Variants in TRPM7 observed in about 807,000 individuals in gnomAD.
The protein encoded by TRPM7 is LTRPC ion channel family member 7.
Under a neutral mutation model 229.7 loss-of-function variants are expected in TRPM7, and 134 were observed. That is an observed-to-expected ratio of 0.58 (90% CI 0.51 to 0.67). The LOEUF (loss-of-function observed/expected upper bound fraction) is 0.67. TRPM7 is among the 30% of genes least tolerant of loss of function. The pLI, the probability that TRPM7 is intolerant of heterozygous loss-of-function variation, is 0.00. For missense variants in TRPM7, 1,901 were observed against 2,210.0 expected, an observed-to-expected ratio of 0.86 and a Z score of 2.80; for synonymous variants, 699 against 715.2, an observed-to-expected ratio of 0.98 and a Z score of 0.36.
rs1033188900 is a variant in TRPM7 at position 50,580,492 on chromosome 15, G to A, written c.4592+382C>T. Among the ~76,000 whole-genome samples the A allele has an allele frequency of 8.5e-5, 13 of 152,246 alleles. 1 individual carries two copies. The highest frequency in any genetic ancestry group is 3.1e-4 in the African/African-American group (13 of 41,550). ...ATCAAAGTGCTTACCAAAAGCAGAT[G>A]CAAGGTTTTGACTAGAATGATGGAT... On this transcript the variant is annotated intron_variant, in intron 30 of 38. Transcript: ENST00000646667.
intron 1 of TRPM7, among the ~76,000 whole-genome samples, chr15:50,675,884 C>G (rs1179239062): frequency 6.6e-6 from 1 of 152,194 alleles, no homozygotes; most frequent in African/African-American, 2.4e-5. Flanking sequence ...ATTCTGGAAT[C>G]AGACTGGTCT....
At chr15:50,565,708 G>C (rs1365391048) in intron 38 of TRPM7, among the ~76,000 whole-genome samples, 1 of 152,040 alleles carries the variant, frequency 6.6e-6, no homozygotes, top group African/African-American at 2.4e-5. Flanking sequence ...AAGGATACAA[G>C]AACTCCGAAC....
chr15:50,614,251 G>A lies in TRPM7; in HGVS notation c.1507C>T (p.Pro503Ser), dbSNP rs747836168. The A allele has an allele frequency of 6.3e-7, 1 of 1,597,230 alleles. No individual in the cohort carries two copies. Among genetic ancestry groups the A allele is most frequent in the Non-Finnish European group, 8.5e-7 (1 of 1,175,096 alleles). Residue 503 changes from proline (P) to serine (S), a missense_variant, in exon 14 of 39, where the codon CCA (proline) becomes TCA (serine). Physicochemically the swap from Pro to Ser is moderately conservative, Grantham distance 74. Transcript: ENST00000646667. ...TCAATCAGAGTGATCTTATATCCTGGAGGAAGATTTCCCTAGAAACAAAAC... is the reference window on the plus strand; with the variant it reads ...TCAATCAGAGTGATCTTATATCCTGAAGGAAGATTTCCCTAGAAACAAAAC... ...VRDVKQGNLP[P>S]GYKITLIDIG... is the part of the protein sequence containing the mutation.
chr15:50,569,525 T>G (rs1002401449), intron 38 of TRPM7, among the ~76,000 whole-genome samples: 8 of 152,146 alleles, frequency 5.3e-5, no homozygotes, highest in Admixed American at 2.6e-4. Context: ...TTCTGTTTTT[T>G]CCTCTCTCTT....
At chr15:50,561,900 T>C (rs1326756574) in intron 38 of TRPM7, 92 bp from the exon 39 acceptor site, 8 of 1,286,056 alleles carry the variant, frequency 6.2e-6, no homozygotes, top group Non-Finnish European at 8.3e-6. Context: ...AGGAACCTTT[T>C]ATTTTCTTTT....
At chr15:50,628,058 TA>T in intron 11 of TRPM7, 90 bp downstream of exon 11, 1 of 887,492 alleles carries the variant, frequency 1.1e-6, no homozygotes, top group South Asian at 1.6e-5. Flanking sequence ...GGCAGAAAGG[TA>T]AAATGTCAAG....
chr15:50,670,017 AAC>A (rs1333299694), intron 1 of TRPM7, among the ~76,000 whole-genome samples: 2 of 152,152 alleles, frequency 1.3e-5, no homozygotes, highest in Admixed American at 6.6e-5. Context: ...TGTTTTATTA[AAC>A]ACTTATTAAT....
chr15:50,610,568 A>C (rs971208043), intron 17 of TRPM7, among the ~76,000 whole-genome samples: 5 of 152,172 alleles, frequency 3.3e-5, no homozygotes, highest in African/African-American at 1.2e-4. Context: ...ATAAGATAAC[A>C]AAAAGCAAAG....
chr15:50,590,255 AG>A (rs1232871078), intron 26 of TRPM7, among the ~76,000 whole-genome samples: 3 of 152,222 alleles, frequency 2.0e-5, no homozygotes, highest in African/African-American at 7.2e-5. Flanking sequence ...AAAAGAAAAA[AG>A]GGGACCAAGC....
At position 50,648,766 on chromosome 15, in the gene TRPM7, T is replaced by C; in HGVS notation, c.242A>G (p.Glu81Gly). The part of the protein sequence containing the change: ...FNQAIEEWSV[E>G]KHTEQSPTDA... Reference sequence around the variant, plus strand: ...CGTTGGGCTCTGTTCTGTATGCTTTTCCACAGACCATTCTTCTATTGCCTG... The same window carrying C: ...CGTTGGGCTCTGTTCTGTATGCTTTCCCACAGACCATTCTTCTATTGCCTG... The change falls in exon 4 of 39, where the codon GAA becomes GGA. Residue 81 changes from glutamate (E) to glycine (G), a missense_variant. Glu to Gly is a moderately conservative substitution (Grantham distance 98). Around this residue, in one of 8 missense-constraint regions of TRPM7, gnomAD observed 794 missense variants for 881.9 expected, o/e 0.90. Transcript: ENST00000646667. The C allele has an allele frequency of 6.2e-7, 1 of 1,613,742 alleles. No homozygotes were observed. Among genetic ancestry groups the C allele is most frequent in the Non-Finnish European group, 8.5e-7 (1 of 1,179,796 alleles).
chr15:50,579,530 C>T (rs1044455889), intron 30 of TRPM7, among the ~76,000 whole-genome samples: 2 of 152,248 alleles, frequency 1.3e-5, no homozygotes, highest in Non-Finnish European at 2.9e-5. Flanking sequence ...TCAGCTCCAC[C>T]TTTATGGGTA....
chr15:50,574,418 A>C lies in TRPM7; in HGVS notation c.5164T>G (p.Cys1722Gly), dbSNP rs1402161651. 1 of 1,613,888 alleles carries C rather than the reference A, an allele frequency of 6.2e-7. No homozygotes were observed. Among genetic ancestry groups the C allele is most frequent in the Admixed American group, 1.7e-5 (1 of 60,014 alleles). The change falls in exon 36 of 39, where the codon TGT becomes GGT. Residue 1722 changes from cysteine (C) to glycine (G), a missense_variant. Physicochemically the swap from Cys to Gly is radical, Grantham distance 159. Coordinates refer to ENST00000646667, the MANE Select transcript of TRPM7 (RefSeq NM_017672.6). ...TATTTTCTAAATTCTCCAGTCATACATTCTTCCACAGCAAACCACTGTCCT... is the reference window on the plus strand; with the variant it reads ...TATTTTCTAAATTCTCCAGTCATACCTTCTTCCACAGCAAACCACTGTCCT... ...SAGQWFAVEE[C>G]MTGEFRKYNN...
chr15:50,600,574 T>C (rs2059752848), intron 21 of TRPM7, among the ~76,000 whole-genome samples: 1 of 152,072 alleles, frequency 6.6e-6, no homozygotes, highest in South Asian at 2.1e-4. Flanking sequence ...TTACAATAAA[T>C]CTGTACATTA....
chr15:50,613,887 C>T, intron 14 of TRPM7, 46 bp from the exon 15 acceptor site: 1 of 1,583,074 alleles, frequency 6.3e-7, no homozygotes, highest in Non-Finnish European at 8.6e-7. Flanking sequence ...AACGTGCTGA[C>T]ATGTTATAAA....
chr15:50,613,780 C>T lies in TRPM7; in HGVS notation c.1697G>A (p.Gly566Asp). 1 of 1,613,786 alleles carries T rather than the reference C, an allele frequency of 6.2e-7. No homozygotes were observed. Among genetic ancestry groups the T allele is most frequent in the South Asian group, 1.1e-5 (1 of 91,072 alleles). Residue 566 changes from glycine to aspartate, a missense_variant, in exon 15 of 39, where the codon GGC becomes GAC. Around this residue, in one of 8 missense-constraint regions of TRPM7, gnomAD observed 794 missense variants for 881.9 expected, o/e 0.90. Coordinates refer to ENST00000646667, the MANE Select transcript of TRPM7 (RefSeq NM_017672.6). ...PQLRKSHESF[G>D]NRADKKEKMR... The stretch of plus-strand genomic sequence containing the variant: ...TTTTTCCTTTTTATCTGCCCTATTG[C>T]CAAAAGATTCATGACTCTTTCGCAA...
rs780088985 is a variant in TRPM7, at chr15:50,589,693, T to C, written c.4325-37A>G. ...AAAAAGATGTTGCAATGAGAAATTT[T>C]TATTTTTCTTCACCGAAATAATGGC... On this transcript the variant is annotated intron_variant, in intron 26 of 38. Coordinates refer to ENST00000646667, the MANE Select transcript of TRPM7 (RefSeq NM_017672.6). 46 of 1,427,248 alleles carry C rather than the reference T, an allele frequency of 3.2e-5. 1 individual carries two copies. The highest frequency in any genetic ancestry group is 4.3e-5 in the Non-Finnish European group (44 of 1,032,698). 88.4% of individuals were successfully genotyped at this position (1,427,248 alleles called of 1,614,324 possible). A position where few individuals can be genotyped will look rare whatever the true frequency, so the allele number is the denominator to read the frequency against.
chr15:50,597,649 G>A (rs1331809752), intron 22 of TRPM7, among the ~76,000 whole-genome samples: 3 of 152,148 alleles, frequency 2.0e-5, no homozygotes, highest in Non-Finnish European at 2.9e-5. Flanking sequence ...GATGGCTCAC[G>A]TTTGTAATCC....
chr15:50,586,403 T>C lies in TRPM7; in HGVS notation c.4475A>G (p.His1492Arg), dbSNP rs2059344490. The stretch of plus-strand genomic sequence containing the variant: ...GTCAAAATACTCACCTTGTTTTGAA[T>C]GAACAGGAATGGAAGTTCTGTGACA... ...TDCHRTSIPV[H>R]SKQAEKISRR... The change falls in exon 28 of 39, where the codon CAT (histidine) becomes CGT (arginine). Residue 1492 changes from histidine (H) to arginine (R), a missense_variant. By Grantham distance (29) the His-to-Arg change is conservative (BLOSUM62 0). This residue lies in a region of TRPM7 where 533 missense variants were observed against 497.1 expected (regional missense o/e 1.07). Transcript: ENST00000646667. The C allele has an allele frequency of 1.9e-6, 3 of 1,607,228 alleles. No homozygotes were observed. Among genetic ancestry groups the C allele is most frequent in the East Asian group, 4.5e-5 (2 of 44,782 alleles).
At position 50,575,936 on chromosome 15, in the gene TRPM7, A is replaced by T; in HGVS notation, c.4619-17T>A. ...AAGTGAGACCTAGAATGGCAAATAA[A>T]CAAACGAGACCATTTAAAAAGTACT... On this transcript the variant is annotated splice_polypyrimidine_tract_variant and intron_variant, in intron 31 of 38. Transcript: ENST00000646667. The T allele has an allele frequency of 1.2e-6, 2 of 1,612,020 alleles. No homozygotes were observed.
Sources: allele counts gnomAD v4.1 joint callset (sites outside exome capture counted in the v4.1 genomes callset), GRCh38; gene constraint gnomAD v4.1.1; regional missense constraint gnomAD v4.1.1; transcripts MANE v1.5; gene names NCBI Gene and HGNC (gene_info 2026-07-23, HGNC 2026-07-21).